COL25A1: variants seen among roughly 807,000 people sequenced by gnomAD.
COL25A1 encodes collagen type XXV alpha 1 chain, also known as collagen alpha-1(XXV) chain.
COL25A1 carries 103 observed loss-of-function variants against 128.4 expected under a neutral mutation model. The observed-to-expected ratio is 0.80, with a 90% CI of 0.68 to 0.94. The LOEUF (loss-of-function observed/expected upper bound fraction) is 0.94, where lower values mean the gene tolerates loss of function less well. Among genes scored for constraint, COL25A1 ranks in the 40% least tolerant of loss-of-function variants. COL25A1 has a pLI of 0.00. For missense variants in COL25A1, 745 were observed against 840.0 expected (o/e 0.89, Z 1.40); for synonymous variants, 279 against 277.2 (o/e 1.01, Z -0.06).
intron 8 of COL25A1, among the ~76,000 whole-genome samples, chr4:108,973,233 G>A (rs1043613649): frequency 6.6e-6 from 1 of 152,182 alleles, no homozygotes; most frequent in African/African-American, 2.4e-5. Context: ...CATGACAGTG[G>A]ATAACGTGGT....
At chr4:109,035,899 T>TTTTTA (rs138498827) in intron 5 of COL25A1, among the ~76,000 whole-genome samples, 3,159 of 151,790 alleles carry the variant, frequency 0.021, 65 homozygotes, top group African/African-American at 0.055. Context: ...AAACTAAAGA[T>TTTTTA]TTTTATTTTA....
intron 3 of COL25A1, among the ~76,000 whole-genome samples, chr4:109,188,389 T>A (rs997000864): frequency 7.9e-5 from 12 of 152,164 alleles, no homozygotes; most frequent in African/African-American, 2.9e-4. Flanking sequence ...CCCAGGAAGC[T>A]TTCAGAAAGC....
At chr4:109,147,066 G>A (rs1427460714) in intron 3 of COL25A1, among the ~76,000 whole-genome samples, 2 of 152,200 alleles carry the variant, frequency 1.3e-5, no homozygotes, top group South Asian at 2.1e-4. Flanking sequence ...GCTTTGGCAA[G>A]AGAAGGGGTA....
Position 108,850,755 on chromosome 4 carries a change from C to T in COL25A1, c.1389+1481G>A, listed in dbSNP as rs150421262. Among the ~76,000 whole-genome samples, 5 of 152,064 alleles carry T rather than the reference C, an allele frequency of 3.3e-5. No individual in the cohort carries two copies. The East Asian group carries it at 9.7e-4, about 29-fold the overall frequency. ...ATCCTTACTAGATATTAGTCCTTAC[C>T]ATAGAGTAGAGGCTCAAAAATTACT... is the stretch of plus-strand genomic sequence containing the variant. On this transcript the variant is annotated intron_variant, in intron 26 of 37. Transcript: ENST00000399132.
intron 3 of COL25A1, among the ~76,000 whole-genome samples, chr4:109,180,800 C>T (rs1350003252): frequency 6.6e-6 from 1 of 151,984 alleles, no homozygotes; most frequent in Non-Finnish European, 1.5e-5. Flanking sequence ...ATAAAAGCAG[C>T]TTTTGCAAGT....
chr4:108,819,783 C>T lies in COL25A1; in HGVS notation c.1846-454G>A, dbSNP rs1243611596. 8 of 1,157,024 alleles carry T rather than the reference C, an allele frequency of 6.9e-6. No homozygotes were observed. In the East Asian group the frequency reaches 2.2e-4, roughly 32 times the overall value. 71.7% of individuals were successfully genotyped at this position (1,157,024 alleles called of 1,614,324 possible). A position where few individuals can be genotyped will look rare whatever the true frequency, so the allele number is the denominator to read the frequency against. On this transcript the variant is annotated intron_variant, in intron 35 of 37. Transcript: ENST00000399132. ...CCATCTGATCCCCTCACACAAACATCTGGAGACAGTTCCACAAGTCAGACA... is the reference window on the plus strand; with the variant it reads ...CCATCTGATCCCCTCACACAAACATTTGGAGACAGTTCCACAAGTCAGACA...
chr4:108,867,168 C>G (rs537967128), intron 20 of COL25A1, among the ~76,000 whole-genome samples: 1 of 152,332 alleles, frequency 6.6e-6, no homozygotes, highest in South Asian at 2.1e-4. Flanking sequence ...ACTTCACTCT[C>G]TACTGCTTGT....
chr4:108,954,099 A>T (rs1749778871), intron 8 of COL25A1, among the ~76,000 whole-genome samples: 1 of 152,142 alleles, frequency 6.6e-6, no homozygotes, highest in African/African-American at 2.4e-5. Context: ...GGACGTAGCT[A>T]CTTCCCATAG....
At chr4:109,138,038 C>A (rs1308260928) in intron 3 of COL25A1, among the ~76,000 whole-genome samples, 2 of 141,184 alleles carry the variant, frequency 1.4e-5, no homozygotes, top group Non-Finnish European at 3.1e-5. Context: ...GCAGAACATG[C>A]AGGTTTGCTA....
chr4:109,016,191 T>C (rs896866237), intron 5 of COL25A1, among the ~76,000 whole-genome samples: 2 of 152,136 alleles, frequency 1.3e-5, no homozygotes, highest in South Asian at 4.1e-4. Flanking sequence ...TGCTCCAGGG[T>C]GGAGCAAAGT....
chr4:108,956,070 T>C (rs1464566329), intron 8 of COL25A1, among the ~76,000 whole-genome samples: 1 of 152,150 alleles, frequency 6.6e-6, no homozygotes, highest in East Asian at 1.9e-4. Flanking sequence ...GGTAGCTCTG[T>C]GAAGTATATA....
chr4:108,950,559 T>C (rs935093182), intron 8 of COL25A1, among the ~76,000 whole-genome samples: 1 of 152,140 alleles, frequency 6.6e-6, no homozygotes, highest in Non-Finnish European at 1.5e-5. Context: ...AGAAAATATA[T>C]TTTCCTTTTC....
At chr4:109,018,216 A>T (rs1035665799) in intron 5 of COL25A1, among the ~76,000 whole-genome samples, 1 of 152,002 alleles carries the variant, frequency 6.6e-6, no homozygotes, top group Non-Finnish European at 1.5e-5. Flanking sequence ...CTGGCCCCTG[A>T]TCCCATCCTC....
rs1560680694 is a variant in COL25A1, at chr4:108,809,288, T to C, written c.*4639A>G. On this transcript the variant is annotated 3_prime_UTR_variant, in exon 38 of 38. Transcript: ENST00000399132. Reference sequence around the variant, plus strand: ...AACTTTAAAATGTAAAAAATACAAATAAAAATATAATATTTTCTAAAGAAA... The same window carrying C: ...AACTTTAAAATGTAAAAAATACAAACAAAAATATAATATTTTCTAAAGAAA... The C allele has an allele frequency of 1.3e-5, 2 of 152,044 alleles. No homozygotes were observed. The highest frequency in any genetic ancestry group is 4.8e-5 in the African/African-American group (2 of 41,446). The allele number at this position is 152,044 out of a possible 1,614,324, so 9.4% of individuals were successfully genotyped here.
chr4:109,064,371 T>C (rs576851069), intron 3 of COL25A1, among the ~76,000 whole-genome samples: 1 of 152,214 alleles, frequency 6.6e-6, no homozygotes, highest in Non-Finnish European at 1.5e-5. Context: ...ATCCATAGTA[T>C]GCAAGTTTAG....
At chr4:109,001,480 T>G (rs7685137) in intron 6 of COL25A1, among the ~76,000 whole-genome samples, 120,353 of 151,346 alleles carry the variant, frequency 0.8, 49,028 homozygotes, top group East Asian at 1. Context: ...CACAAAGTAT[T>G]AGTACTGTGA....
intron 6 of COL25A1, among the ~76,000 whole-genome samples, chr4:108,987,109 C>T (rs1433268024): frequency 6.6e-6 from 1 of 152,092 alleles, no homozygotes; most frequent in African/African-American, 2.4e-5. Flanking sequence ...TTACAATGCT[C>T]TTCCCATTCA....
intron 31 of COL25A1, among the ~76,000 whole-genome samples, chr4:108,837,820 C>A (rs1733987999): frequency 6.6e-6 from 1 of 152,026 alleles, no homozygotes; most frequent in African/African-American, 2.4e-5. Flanking sequence ...AAGAAGGGGA[C>A]AATGGAAGAG....
At position 108,957,597 on chromosome 4, in the gene COL25A1, T is replaced by C. The variant is rs1393662179; in HGVS notation, c.493-16160A>G. Among the ~76,000 whole-genome samples the C allele has an allele frequency of 2.0e-5, 3 of 152,326 alleles. No individual in the cohort carries two copies. The South Asian group carries it at 6.2e-4, about 32-fold the overall frequency. On this transcript the variant is annotated intron_variant, in intron 8 of 37. Transcript: ENST00000399132. ...AATAAATATTTGTTGAATGAATGAT[T>C]GAATTATTTTGTAATCTTAGAACTG... is the stretch of plus-strand genomic sequence containing the variant.
Sources: gnomAD v4.1 joint callset for allele counts (sites outside exome capture counted in the v4.1 genomes callset) on GRCh38, gnomAD v4.1.1 for gene constraint, MANE v1.5 for transcripts, NCBI Gene and HGNC (gene_info 2026-07-23, HGNC 2026-07-21) for gene names.